Variants in TXNRD3 observed in about 807,000 individuals in gnomAD.
TXNRD3 encodes TXNRD3 neighbor gene protein.
In TXNRD3, 68 loss-of-function variants were observed where a neutral mutation model predicts 78.2. The ratio of observed to expected loss-of-function variants is 0.87; its 90% CI spans 0.72 to 1.06. TXNRD3 has a LOEUF of 1.06. TXNRD3 is among the 50% of genes least tolerant of loss of function. The pLI is 0.00. For synonymous variants in TXNRD3, 296 were observed against 300.1 expected (o/e 0.99, Z 0.14); for missense variants, 751 against 809.5 (o/e 0.93, Z 0.88).
intron 6 of TXNRD3, 107 bp from the exon 7 acceptor site, chr3:126,634,158 A>G: frequency 2.0e-6 from 2 of 1,001,526 alleles, no homozygotes; most frequent in Non-Finnish European, 2.6e-6. Flanking sequence ...AAAATCAAGA[A>G]GTAGACAATC....
At chr3:126,623,739 C>T (rs1938506432) in intron 10 of TXNRD3, among the ~76,000 whole-genome samples, 1 of 148,992 alleles carries the variant, frequency 6.7e-6, no homozygotes, top group Non-Finnish European at 1.5e-5. Context: ...CACATCCTGG[C>T]AATGATACAA....
rs1938656197 is a variant in TXNRD3, at chr3:126,629,354, T to C, written c.1290+25A>G. 2.1e-6 allele frequency: 3 copies of C among 1,442,942 alleles called. No individual in the cohort carries two copies. In the African/African-American group the frequency reaches 4.2e-5, roughly 20 times the overall value. The allele number at this position is 1,442,942 out of a possible 1,614,324, so 89.4% of individuals were successfully genotyped here. ...TAATTTAGGAGTGTGTTCAATAACT[T>C]AGTAATGATAAAATAAAAACTCACT... is the stretch of plus-strand genomic sequence containing the variant. On this transcript the variant is annotated intron_variant, in intron 10 of 15. Coordinates refer to ENST00000524230, the MANE Select transcript of TXNRD3 (RefSeq NM_052883.3).
At chr3:126,616,350 C>T (rs1157153091) in intron 12 of TXNRD3, among the ~76,000 whole-genome samples, 1 of 152,192 alleles carries the variant, frequency 6.6e-6, no homozygotes, top group Non-Finnish European at 1.5e-5. Flanking sequence ...CTGCCAATGG[C>T]CACAAGTGAT....
At chr3:126,650,172 C>A (rs977937226) in intron 1 of TXNRD3, among the ~76,000 whole-genome samples, 21 of 152,138 alleles carry the variant, frequency 1.4e-4, no homozygotes, top group African/African-American at 5.1e-4. Flanking sequence ...GTATAGTTTG[C>A]GTTATTATCT....
In TXNRD3 at chr3:126,646,175, T is replaced by G. The variant is rs748413208; in HGVS notation, c.350A>C (p.Gln117Pro). The change falls in exon 3 of 16, where the codon CAG becomes CCG. Residue 117 changes from glutamine to proline, a missense_variant. Transcript: ENST00000524230. ...CACGAAAATATTGGGCACAGTTTTC[T>G]GATTAGTGATTTCTGACAGCACTTC... is the stretch of plus-strand genomic sequence containing the variant. 56 of 1,534,784 alleles carry G rather than the reference T, an allele frequency of 3.6e-5. No individual in the cohort carries two copies. The highest frequency in any genetic ancestry group is 4.4e-5 in the Non-Finnish European group (51 of 1,146,506).
At position 126,634,046 on chromosome 3, in the gene TXNRD3, G is replaced by A; in HGVS notation, c.718C>T (p.His240Tyr). Reference sequence around the variant, plus strand: ...GCTTTTGTCATTGTCTCCCAGTTGTGCCTCACTAAGAAGAAATAATCAGGG... The same window carrying A: ...GCTTTTGTCATTGTCTCCCAGTTGTACCTCACTAAGAAGAAATAATCAGGG... The change falls in exon 7 of 16, where the codon CAC becomes TAC. Residue 240 changes from histidine (H) to tyrosine (Y), a missense_variant. Coordinates refer to ENST00000524230, the MANE Select transcript of TXNRD3 (RefSeq NM_052883.3). 6.7e-7 allele frequency: 1 copy of A among 1,495,752 alleles called. No homozygotes were observed. Among genetic ancestry groups the A allele is most frequent in the East Asian group, 2.5e-5 (1 of 40,458 alleles). 92.7% of individuals were successfully genotyped at this position (1,495,752 alleles called of 1,614,324 possible).
intron 10 of TXNRD3, among the ~76,000 whole-genome samples, chr3:126,624,025 C>T (rs1044270812): frequency 4.6e-5 from 7 of 152,012 alleles, no homozygotes; most frequent in African/African-American, 1.7e-4. Context: ...GCTTTAAAAA[C>T]ATGAAGTATG....
intron 6 of TXNRD3, among the ~76,000 whole-genome samples, chr3:126,639,099 T>TTTAGG (rs2107623239): frequency 6.6e-6 from 1 of 152,358 alleles, no homozygotes; most frequent in East Asian, 1.9e-4. Context: ...CCACTGAGGT[T>TTTAGG]TTAGGGGCTT....
intron 1 of TXNRD3, among the ~76,000 whole-genome samples, chr3:126,647,588 C>T (rs1933270576): frequency 2.6e-5 from 4 of 152,242 alleles, no homozygotes; most frequent in Non-Finnish European, 2.9e-5. Flanking sequence ...TTTCCACCTG[C>T]GTGTCCCACA....
intron 3 of TXNRD3, among the ~76,000 whole-genome samples, 192 bp downstream of exon 3, chr3:126,645,919 C>T (rs1933218127): frequency 6.6e-6 from 1 of 152,214 alleles, no homozygotes; most frequent in Non-Finnish European, 1.5e-5. Flanking sequence ...AAAATCCTAG[C>T]TTCTGAAGTT....
At chr3:126,638,523 T>C (rs1308044494) in intron 6 of TXNRD3, among the ~76,000 whole-genome samples, 3 of 152,024 alleles carry the variant, frequency 2.0e-5, no homozygotes, top group Admixed American at 6.5e-5. Context: ...CACCTGAGGT[T>C]GGAAGTTCAA....
chr3:126,624,137 T>C (rs924563970), intron 10 of TXNRD3, among the ~76,000 whole-genome samples: 1 of 152,178 alleles, frequency 6.6e-6, no homozygotes, highest in Middle Eastern at 3.2e-3. Context: ...GAGGTTCATA[T>C]GTTGGAAAAA....
intron 3 of TXNRD3, among the ~76,000 whole-genome samples, chr3:126,645,266 AG>A (rs1933199308): frequency 6.6e-6 from 1 of 152,208 alleles, no homozygotes; most frequent in Non-Finnish European, 1.5e-5. Context: ...CTGCCATCCA[AG>A]AAATATCTTT....
intron 15 of TXNRD3, 51 bp from the exon 16 acceptor site, chr3:126,608,024 A>T: frequency 1.6e-6 from 2 of 1,274,644 alleles, no homozygotes; most frequent in Non-Finnish European, 1.1e-6. Context: ...GTATTGTTTT[A>T]AAAAAACACA....
chr3:126,622,579 A>G, intron 10 of TXNRD3, 39 bp from the exon 11 acceptor site: 1 of 1,448,470 alleles, frequency 6.9e-7, no homozygotes. Flanking sequence ...AATTATCCAT[A>G]TCGGGAATGA....
rs1576276934 is a variant in TXNRD3, at chr3:126,607,993, C to A, written c.1864-20G>T. ...GAACACCTGTTCAAGAGAAAGAAAA[C>A]AAATACATATTTAGATGTTAGTATT... On this transcript the variant is annotated intron_variant, in intron 15 of 15. Transcript: ENST00000524230. 1 of 1,467,240 alleles carries A rather than the reference C, an allele frequency of 6.8e-7. No homozygotes were observed. Among genetic ancestry groups the A allele is most frequent in the African/African-American group, 1.4e-5 (1 of 71,590 alleles). The allele number at this position is 1,467,240 out of a possible 1,614,324, so 90.9% of individuals were successfully genotyped here. A position where few individuals can be genotyped will look rare whatever the true frequency, so the allele number is the denominator to read the frequency against.
At chr3:126,616,283 C>G (rs139171591) in intron 12 of TXNRD3, among the ~76,000 whole-genome samples, 66 of 152,282 alleles carry the variant, frequency 4.3e-4, no homozygotes, top group African/African-American at 1.6e-3. Flanking sequence ...GGTGCCTGCT[C>G]AGCCACAGCC....
At chr3:126,636,925 ATTT>A (rs34611548) in intron 6 of TXNRD3, among the ~76,000 whole-genome samples, 1 of 140,842 alleles carries the variant, frequency 7.1e-6, no homozygotes. Context: ...TTCTTTTGTG[ATTT>A]TTTTTTTTTT....
intron 15 of TXNRD3, 137 bp downstream of exon 15, chr3:126,608,362 A>C (rs992419363): frequency 5.5e-6 from 6 of 1,086,432 alleles, no homozygotes; most frequent in Non-Finnish European, 3.7e-6. Flanking sequence ...CCCTGTCTGA[A>C]AAAAATAAAA....
Sources: allele counts gnomAD v4.1 joint callset (sites outside exome capture counted in the v4.1 genomes callset), GRCh38; gene constraint gnomAD v4.1.1; transcripts MANE v1.5; gene names NCBI Gene and HGNC (gene_info 2026-07-23, HGNC 2026-07-21).